Variants in MAGI2 observed in about 807,000 individuals in gnomAD.
MAGI2 encodes membrane-associated guanylate kinase, WW and PDZ domain-containing protein 2.
A neutral mutation model predicts 133.3 loss-of-function variants in MAGI2; 35 were observed. The observed-to-expected ratio is 0.26, with a 90% CI of 0.20 to 0.35. MAGI2 has a LOEUF of 0.35. MAGI2 is among the 10% of genes least tolerant of loss of function. The pLI, the probability that MAGI2 is intolerant of heterozygous loss-of-function variation, is 1.00. For synonymous variants in MAGI2, 729 were observed against 710.6 expected, an observed-to-expected ratio of 1.03 and a Z score of -0.41; for missense variants, 1,636 against 1,863.4, an observed-to-expected ratio of 0.88 and a Z score of 2.25.
At chr7:79,420,798 C>A (rs1390454846) in intron 1 of MAGI2, among the ~76,000 whole-genome samples, 1 of 151,936 alleles carries the variant, frequency 6.6e-6, no homozygotes, top group Non-Finnish European at 1.5e-5. Context: ...CCAGAGGATG[C>A]CAGCCTTTAC....
chr7:78,981,618 C>T (rs368244707), intron 2 of MAGI2, among the ~76,000 whole-genome samples: 2 of 151,646 alleles, frequency 1.3e-5, no homozygotes, highest in African/African-American at 4.8e-5. Flanking sequence ...TTTGTTGCAT[C>T]CGACTTTTTC....
rs748221521 is a variant in MAGI2 at position 78,135,246 on chromosome 7, C to T, written c.2846-40G>A. ...ACAGAAATAGGTATCAGGGACATCA[C>T]CAATACATGTTCTTTCAGTCCCAGC... On this transcript the variant is annotated intron_variant, in intron 16 of 21. Coordinates refer to ENST00000354212, the MANE Select transcript of MAGI2 (RefSeq NM_012301.4). 1.9e-5 allele frequency: 29 copies of T among 1,501,804 alleles called. No individual in the cohort carries two copies. In the Admixed American group the frequency reaches 2.2e-4, roughly 11 times the overall value. 93.0% of individuals were successfully genotyped at this position (1,501,804 alleles called of 1,614,324 possible). A position where few individuals can be genotyped will look rare whatever the true frequency, so the allele number is the denominator to read the frequency against.
chr7:79,230,509 T>C (rs1435964550), intron 1 of MAGI2, among the ~76,000 whole-genome samples: 1 of 151,990 alleles, frequency 6.6e-6, no homozygotes, highest in Admixed American at 6.5e-5. Flanking sequence ...TGGTATCTCA[T>C]TGTGGTTTTG....
intron 3 of MAGI2, among the ~76,000 whole-genome samples, chr7:78,576,373 A>G (rs1015522122): frequency 1.4e-4 from 21 of 152,170 alleles, no homozygotes; most frequent in African/African-American, 4.1e-4. Context: ...GTTTGAATCT[A>G]TTGGAGACTG....
intron 3 of MAGI2, among the ~76,000 whole-genome samples, chr7:78,605,678 A>G (rs1462622218): frequency 1.3e-5 from 2 of 152,318 alleles, no homozygotes; most frequent in East Asian, 1.9e-4. Flanking sequence ...AATTTCACTA[A>G]GAGGAATCTG....
At chr7:78,313,881 T>G (rs183035936) in intron 9 of MAGI2, among the ~76,000 whole-genome samples, 1 of 152,252 alleles carries the variant, frequency 6.6e-6, no homozygotes, top group East Asian at 1.9e-4. Context: ...AAATGAATTA[T>G]AGGAAGAAAG....
chr7:79,065,083 C>T (rs1814164996), intron 1 of MAGI2, among the ~76,000 whole-genome samples: 2 of 152,010 alleles, frequency 1.3e-5, no homozygotes, highest in Non-Finnish European at 2.9e-5. Context: ...TTTTGTGAGT[C>T]ACTGTATTTG....
intron 1 of MAGI2, among the ~76,000 whole-genome samples, chr7:79,025,488 C>T (rs1809796290): frequency 6.6e-6 from 1 of 152,192 alleles, no homozygotes; most frequent in African/African-American, 2.4e-5. Flanking sequence ...CACATGTACC[C>T]CTGAGCCTAA....
intron 14 of MAGI2, chr7:78,170,177 T>G (rs984295545): frequency 6.6e-6 from 1 of 152,230 alleles, no homozygotes; most frequent in Admixed American, 6.5e-5. Flanking sequence ...GGTATAGCTC[T>G]GATTCTAACT....
At chr7:78,305,103 T>C (rs1798145392) in intron 9 of MAGI2, among the ~76,000 whole-genome samples, 1 of 152,228 alleles carries the variant, frequency 6.6e-6, no homozygotes, top group Non-Finnish European at 1.5e-5. Context: ...GAACTGAGCC[T>C]TGTTCTAGTG....
intron 2 of MAGI2, among the ~76,000 whole-genome samples, chr7:78,802,675 T>C (rs1788174761): frequency 2.6e-5 from 4 of 152,106 alleles, no homozygotes; most frequent in Admixed American, 6.6e-5. Flanking sequence ...TGACATCCTG[T>C]AGAATGTACA....
intron 2 of MAGI2, among the ~76,000 whole-genome samples, chr7:78,840,544 T>A (rs1432907609): frequency 6.6e-6 from 1 of 152,050 alleles, no homozygotes; most frequent in Non-Finnish European, 1.5e-5. Context: ...GTCCAGAGTA[T>A]GATTCAATCT....
intron 20 of MAGI2, among the ~76,000 whole-genome samples, chr7:78,091,054 G>A (rs895356534): frequency 1.8e-4 from 11 of 61,170 alleles, no homozygotes; most frequent in African/African-American, 7.7e-4. Context: ...GTGTGTGTAT[G>A]TGTGTGTGTG....
intron 1 of MAGI2, among the ~76,000 whole-genome samples, chr7:79,441,346 G>C (rs2129197257): frequency 6.6e-6 from 1 of 152,232 alleles, no homozygotes; most frequent in East Asian, 1.9e-4. Flanking sequence ...CATCTCCTTA[G>C]TCAATGTTAA....
At chr7:78,351,487 G>A (rs1310891724) in intron 7 of MAGI2, among the ~76,000 whole-genome samples, 1 of 151,912 alleles carries the variant, frequency 6.6e-6, no homozygotes, top group African/African-American at 2.4e-5. Context: ...TCAGCATTGA[G>A]AGAGGGAGTG....
intron 1 of MAGI2, among the ~76,000 whole-genome samples, chr7:79,022,959 A>T (rs926451899): frequency 6.6e-6 from 1 of 152,116 alleles, no homozygotes; most frequent in Non-Finnish European, 1.5e-5. Context: ...AAAATTGAGG[A>T]GAAAAGATTC....
intron 10 of MAGI2, among the ~76,000 whole-genome samples, chr7:78,241,216 A>G (rs1791102156): frequency 6.6e-6 from 1 of 152,218 alleles, no homozygotes; most frequent in Non-Finnish European, 1.5e-5. Context: ...TTTTTAAAAG[A>G]TAAAATTTTG....
intron 2 of MAGI2, among the ~76,000 whole-genome samples, chr7:78,974,153 A>G (rs2116040517): frequency 6.6e-6 from 1 of 151,952 alleles, no homozygotes; most frequent in Middle Eastern, 3.4e-3. Flanking sequence ...TTACAGGTTC[A>G]ATAAAAGGAC....
At chr7:78,765,640 C>T (rs1313869280) in intron 2 of MAGI2, among the ~76,000 whole-genome samples, 1 of 152,062 alleles carries the variant, frequency 6.6e-6, no homozygotes, top group Non-Finnish European at 1.5e-5. Context: ...AGCCATAACG[C>T]CCGGCCCTAG....
Sources: allele counts gnomAD v4.1 joint callset (sites outside exome capture counted in the v4.1 genomes callset), GRCh38; gene constraint gnomAD v4.1.1; transcripts MANE v1.5; gene names NCBI Gene and HGNC (gene_info 2026-07-23, HGNC 2026-07-21).